PDZD2: variants seen among roughly 807,000 people sequenced by gnomAD.
PDZD2 encodes the protein PDZ domain-containing protein 2.
PDZD2 carries 90 observed loss-of-function variants against 220.7 expected under a neutral mutation model. That is an observed-to-expected ratio of 0.41 (90% CI 0.34 to 0.49). The LOEUF is 0.49. Among genes scored for constraint, PDZD2 ranks in the 20% least tolerant of loss-of-function variants. PDZD2 has a pLI of 0.28. For synonymous variants in PDZD2, 1,375 were observed against 1,450.5 expected (o/e 0.95, Z 1.18); for missense variants, 3,174 against 3,608.5 (o/e 0.88, Z 3.08).
intron 2 of PDZD2, among the ~76,000 whole-genome samples, chr5:31,864,550 G>A (rs575840238): frequency 1.9e-4 from 29 of 150,962 alleles, no homozygotes; most frequent in Non-Finnish European, 3.7e-4. Context: ...ACGGAGTTTC[G>A]CTCTTGTCGC....
chr5:32,108,879 T>C lies in PDZD2; in HGVS notation c.*744T>C, dbSNP rs985746767. ...TAAGCCATAAGGCTGTTTTACAGAA[T>C]AGCACTTCTGATAAGCTGTATTAAA... On this transcript the variant is annotated 3_prime_UTR_variant, in exon 25 of 25. Transcript: ENST00000438447. The C allele has an allele frequency of 2.7e-4, 41 of 152,682 alleles. No individual in the cohort carries two copies. Among genetic ancestry groups the C allele is most frequent in the African/African-American group, 9.4e-4 (39 of 41,470 alleles). The allele number at this position is 152,682 out of a possible 1,614,324, so 9.5% of individuals were successfully genotyped here. A position where few individuals can be genotyped will look rare whatever the true frequency, so the allele number is the denominator to read the frequency against.
Position 31,840,437 on chromosome 5 carries a change from TATATATATA to T in PDZD2, c.476+40714_476+40722del, listed in dbSNP as rs1561499321. The T allele has an allele frequency of 8.0e-3, 717 of 89,960 alleles. 55 individuals are homozygous for T. Among genetic ancestry groups the T allele is most frequent in the African/African-American group, 0.025 (574 of 23,008 alleles). 5.6% of individuals were successfully genotyped at this position (89,960 alleles called of 1,614,324 possible). ...ATATATATATATATATATATATATA[TATATATATA>T]TATTTGTTTATAGTCCAGAGGTCTT... On this transcript the variant is annotated intron_variant, in intron 2 of 24. Transcript: ENST00000438447.
chr5:31,982,093 A>T (rs978243566), intron 2 of PDZD2, among the ~76,000 whole-genome samples: 2 of 152,160 alleles, frequency 1.3e-5, no homozygotes, highest in Admixed American at 6.5e-5. Flanking sequence ...TTCCTGGTTG[A>T]CACAGTCTCC....
chr5:31,863,483 A>G (rs1737911444), intron 2 of PDZD2, among the ~76,000 whole-genome samples: 1 of 152,206 alleles, frequency 6.6e-6, no homozygotes, highest in South Asian at 2.1e-4. Flanking sequence ...TCTAGAGATT[A>G]TATACCTGTC....
intron 1 of PDZD2, among the ~76,000 whole-genome samples, chr5:31,698,717 GTTA>G (rs1423704696): frequency 2.0e-5 from 3 of 152,162 alleles, no homozygotes; most frequent in Non-Finnish European, 4.4e-5. Context: ...CATGATGTGT[GTTA>G]TTATTTTCCT....
intron 2 of PDZD2, among the ~76,000 whole-genome samples, chr5:31,860,618 C>G (rs909963470): frequency 6.6e-6 from 1 of 152,124 alleles, no homozygotes; most frequent in Non-Finnish European, 1.5e-5. Context: ...GGTGCCCACT[C>G]GGGGCCACAT....
intron 2 of PDZD2, among the ~76,000 whole-genome samples, chr5:31,801,854 G>A (rs1032130627): frequency 2.8e-4 from 42 of 152,290 alleles, no homozygotes; most frequent in African/African-American, 9.4e-4. Context: ...TGTTTGGGAG[G>A]TTGCTGGAGT....
In PDZD2 at chr5:31,841,096, T is replaced by C. The variant is rs1326218790; in HGVS notation, c.476+41372T>C. 4 of 226,252 alleles carry C rather than the reference T, an allele frequency of 1.8e-5. No individual in the cohort carries two copies. In the Admixed American group the frequency reaches 2.2e-4, roughly 12 times the overall value. The allele number at this position is 226,252 out of a possible 1,614,324, so 14.0% of individuals were successfully genotyped here. On this transcript the variant is annotated intron_variant, in intron 2 of 24. Coordinates refer to ENST00000438447, the MANE Select transcript of PDZD2 (RefSeq NM_178140.4). ...AAATTATAAAAGCACTACTACTGAG[T>C]TCAGTAAGGCATAAAGAAGAAAGTA...
chr5:32,036,841 A>G (rs1395958530), intron 6 of PDZD2, among the ~76,000 whole-genome samples: 1 of 152,270 alleles, frequency 6.6e-6, no homozygotes, highest in African/African-American at 2.4e-5. Flanking sequence ...CTACAGGTCA[A>G]GAGACCTGGG....
chr5:32,043,045 C>T (rs2112262099), intron 7 of PDZD2, among the ~76,000 whole-genome samples: 3 of 152,308 alleles, frequency 2.0e-5, no homozygotes, highest in Admixed American at 2.0e-4. Context: ...ATTCTCCTTC[C>T]CTGCCCTTTG....
chr5:32,071,648 G>A (rs1249718775), intron 16 of PDZD2, among the ~76,000 whole-genome samples: 1 of 148,908 alleles, frequency 6.7e-6, no homozygotes, highest in African/African-American at 2.5e-5. Flanking sequence ...TAAAAGAACT[G>A]AACTACAGTT....
At chr5:31,933,247 G>A (rs1745456899) in intron 2 of PDZD2, among the ~76,000 whole-genome samples, 1 of 152,114 alleles carries the variant, frequency 6.6e-6, no homozygotes, top group African/African-American at 2.4e-5. Flanking sequence ...CCAAGTAGTA[G>A]CATGTGTCAG....
At chr5:31,661,047 T>G (rs1745742113) in intron 1 of PDZD2, among the ~76,000 whole-genome samples, 1 of 152,192 alleles carries the variant, frequency 6.6e-6, no homozygotes, top group East Asian at 1.9e-4. Flanking sequence ...AAGAAGTAAT[T>G]CTTGTATCCA....
intron 6 of PDZD2, 61 bp from the exon 7 acceptor site, chr5:32,037,170 G>C: frequency 3.0e-6 from 3 of 1,014,804 alleles, no homozygotes; most frequent in Non-Finnish European, 3.1e-6. Flanking sequence ...TGTGGAGGGG[G>C]ACAGCATAAG....
At chr5:31,676,051 C>T (rs926786505) in intron 1 of PDZD2, among the ~76,000 whole-genome samples, 2 of 152,164 alleles carry the variant, frequency 1.3e-5, no homozygotes. Context: ...GTTGAGCGCT[C>T]TATGTGTTCC....
intron 2 of PDZD2, among the ~76,000 whole-genome samples, chr5:31,826,024 TG>T (rs1414406358): frequency 1.3e-5 from 2 of 152,162 alleles, no homozygotes; most frequent in Non-Finnish European, 2.9e-5. Flanking sequence ...TGCCCCTCAA[TG>T]TACTCCTTTT....
At position 32,046,267 on chromosome 5, in the gene PDZD2, GTC is replaced by G. The variant is rs148700804; in HGVS notation, c.1520-2267_1520-2266del. ...TTTTTGTTTTTGTTTTTTTGAGACA[GTC>G]TCTCACAGTGTAACCCAAGCTGAAG... is the stretch of plus-strand genomic sequence containing the variant. On this transcript the variant is annotated intron_variant, in intron 7 of 24. Coordinates refer to ENST00000438447, the MANE Select transcript of PDZD2 (RefSeq NM_178140.4). 7.7e-3 allele frequency among the ~76,000 whole-genome samples: 1,167 copies of G among 152,138 alleles called. 15 individuals are homozygous for G. Among genetic ancestry groups the G allele is most frequent in the African/African-American group, 0.027 (1,116 of 41,508 alleles).
chr5:31,656,930 A>G (rs1745570469), intron 1 of PDZD2, among the ~76,000 whole-genome samples: 1 of 152,152 alleles, frequency 6.6e-6, no homozygotes, highest in South Asian at 2.1e-4. Flanking sequence ...CTTCACCTCA[A>G]CAGCCTGGGA....
intron 2 of PDZD2, among the ~76,000 whole-genome samples, chr5:31,903,653 AAAAAAAAAAAG>A (rs1742341484): frequency 6.6e-6 from 1 of 150,922 alleles, no homozygotes; most frequent in East Asian, 1.9e-4. Context: ...TCAAAAAAAA[AAAAAAAAAAAG>A]AAAGAAAAAA....
Sources: allele counts gnomAD v4.1 joint callset (sites outside exome capture counted in the v4.1 genomes callset), GRCh38; gene constraint gnomAD v4.1.1; transcripts MANE v1.5; gene names NCBI Gene and HGNC (gene_info 2026-07-23, HGNC 2026-07-21).